FNTB: variants seen among roughly 807,000 people sequenced by gnomAD.
FNTB encodes protein farnesyltransferase subunit beta.
FNTB carries 27 observed loss-of-function variants against 59.4 expected under a neutral mutation model. The observed-to-expected ratio is 0.45, with a 90% confidence interval of 0.34 to 0.63. The LOEUF is 0.63. Among genes scored for constraint, FNTB ranks in the 20% least tolerant of loss-of-function variants. The pLI, the probability that FNTB is intolerant of heterozygous loss-of-function variation, is 0.02. For missense variants in FNTB, 449 were observed against 559.6 expected, an observed-to-expected ratio of 0.80 and a Z score of 1.99; for synonymous variants, 230 against 220.7, an observed-to-expected ratio of 1.04 and a Z score of -0.37.
chr14:64,998,519 G>A (rs1888487754), intron 1 of FNTB, among the ~76,000 whole-genome samples: 3 of 152,218 alleles, frequency 2.0e-5, no homozygotes, highest in Admixed American at 1.3e-4. Flanking sequence ...GATATTTTTT[G>A]TGTAAGGTTG....
At chr14:65,058,230 T>A (rs973646477) in intron 11 of FNTB, among the ~76,000 whole-genome samples, 11 of 151,964 alleles carry the variant, frequency 7.2e-5, no homozygotes, top group South Asian at 2.1e-4. Flanking sequence ...GTGTTTTTTT[T>A]ATAATTTTTT....
chr14:65,061,152 T>A, intron 11 of FNTB, 29 bp from the exon 12 acceptor site: 1 of 1,612,926 alleles, frequency 6.2e-7, no homozygotes, highest in East Asian at 2.2e-5. Flanking sequence ...ACCGGGGTGA[T>A]TAACTGGCAC....
In FNTB at chr14:64,994,226, C is replaced by G. The variant is rs1676604880; in HGVS notation, c.144+7129C>G. Among the ~76,000 whole-genome samples the G allele has an allele frequency of 6.6e-6, 1 of 152,308 alleles. No individual in the cohort carries two copies. Among genetic ancestry groups the G allele is most frequent in the South Asian group, 2.1e-4 (1 of 4,828 alleles). Reference sequence around the variant, plus strand: ...CTTTTAAACAGAGCTGTCCAGAATGCAGGCATTTGGTTAGCTCTTCATTTA... The same window carrying G: ...CTTTTAAACAGAGCTGTCCAGAATGGAGGCATTTGGTTAGCTCTTCATTTA... On this transcript the variant is annotated intron_variant, in intron 1 of 11. Transcript: ENST00000246166. This position sits in a 1 kb window ranked among gnomAD's most constrained non-coding sequence, Gnocchi z 4.2.
rs1281048364 is a variant in FNTB at position 65,001,948 on chromosome 14, CA to C, written c.145-2298del. The stretch of plus-strand genomic sequence containing the variant: ...CAAATTCATGTTCAAAAGCAAATAT[CA>C]AAGCGTATTCTAAAACCAGATGTAA... On this transcript the variant is annotated intron_variant, in intron 1 of 11. Transcript: ENST00000246166. This position sits in a 1 kb window ranked among gnomAD's most constrained non-coding sequence, Gnocchi z 5.5. Among the ~76,000 whole-genome samples, 1 of 152,186 alleles carries C rather than the reference CA, an allele frequency of 6.6e-6. No individual in the cohort carries two copies. The highest frequency in any genetic ancestry group is 1.5e-5 in the Non-Finnish European group (1 of 68,034).
In FNTB at chr14:65,016,203, C is replaced by G. The variant is rs530642079; in HGVS notation, c.374+487C>G. Among the ~76,000 whole-genome samples, 25 of 152,314 alleles carry G rather than the reference C, an allele frequency of 1.6e-4. No homozygotes were observed. The South Asian group carries it at 5.2e-3, about 32-fold the overall frequency. On this transcript the variant is annotated intron_variant, in intron 4 of 11. Transcript: ENST00000246166. The stretch of plus-strand genomic sequence containing the variant: ...CTGGATGTGTTACTGGTGTGGCATA[C>G]AAATGCCATGACTCTCAGTTTTCCT...
chr14:65,043,882 T>A (rs924802643), intron 8 of FNTB, among the ~76,000 whole-genome samples: 1 of 145,732 alleles, frequency 6.9e-6, no homozygotes, highest in East Asian at 2.0e-4. Context: ...CCAAATTCCA[T>A]TTATCTGCTT....
chr14:65,057,518 G>C lies in FNTB; in HGVS notation c.1182+2829G>C, dbSNP rs560008712. On this transcript the variant is annotated intron_variant, in intron 11 of 11. Coordinates refer to ENST00000246166, the MANE Select transcript of FNTB (RefSeq NM_002028.4). ...TTCAGGGGTTTGTTTTTGGGGGAGG[G>C]TAGGTGAGGATTAACTTAAGGAATC... Among the ~76,000 whole-genome samples, 6 of 152,268 alleles carry C rather than the reference G, an allele frequency of 3.9e-5. No homozygotes were observed. The South Asian group carries it at 1.2e-3, about 32-fold the overall frequency.
intron 4 of FNTB, among the ~76,000 whole-genome samples, chr14:65,019,302 C>T (rs1169560288): frequency 6.6e-6 from 1 of 152,168 alleles, no homozygotes; most frequent in Non-Finnish European, 1.5e-5. Flanking sequence ...GTCTGGCCAA[C>T]ATGGTGAAAC....
At chr14:65,005,568 CTCTT>C (rs2061574561) in intron 2 of FNTB, among the ~76,000 whole-genome samples, 2 of 149,984 alleles carry the variant, frequency 1.3e-5, no homozygotes, top group South Asian at 2.1e-4. Context: ...CTCTCCCTCT[CTCTT>C]TCTGTCTCTG....
intron 7 of FNTB, among the ~76,000 whole-genome samples, chr14:65,034,031 G>A (rs962589437): frequency 6.6e-6 from 1 of 152,108 alleles, no homozygotes; most frequent in Admixed American, 6.6e-5. Context: ...TTACTTTTTT[G>A]TATGAGTTTC....
intron 4 of FNTB, chr14:65,022,103 T>C: frequency 2.2e-6 from 1 of 455,854 alleles, no homozygotes; most frequent in Admixed American, 2.3e-5. Flanking sequence ...ACCTGTCCAT[T>C]GTCATATTCT....
chr14:64,988,683 C>T (rs1374846811), intron 1 of FNTB, among the ~76,000 whole-genome samples: 2 of 152,112 alleles, frequency 1.3e-5, no homozygotes, highest in South Asian at 2.1e-4. Context: ...CTGCCCTCCT[C>T]GGCCTCCTAG....
Position 65,009,000 on chromosome 14 carries a change from C to G in FNTB, c.210-3317C>G, listed in dbSNP as rs566414192. On this transcript the variant is annotated intron_variant, in intron 2 of 11. Coordinates refer to ENST00000246166, the MANE Select transcript of FNTB (RefSeq NM_002028.4). ...CAGCCTGCATCCCACCCTGCACCCC[C>G]TCAAGTCCTGCACGAAACCTGTCTT... 2.3e-3 allele frequency among the ~76,000 whole-genome samples: 345 copies of G among 152,312 alleles called. 1 individual carries two copies. The highest frequency in any genetic ancestry group is 7.9e-3 in the African/African-American group (330 of 41,560).
chr14:65,057,776 T>TA lies in FNTB; in HGVS notation c.1182+3089dup, dbSNP rs377112376. On this transcript the variant is annotated intron_variant, in intron 11 of 11. Transcript: ENST00000246166. ...TAATGTTATCTTTTTTCCATATGGA[T>TA]AACCAATTGACCAGCACCATTTACT... Among the ~76,000 whole-genome samples the TA allele has an allele frequency of 6.2e-3, 940 of 152,344 alleles. 11 individuals are homozygous for TA. Among genetic ancestry groups the TA allele is most frequent in the African/African-American group, 0.021 (889 of 41,580 alleles).
At chr14:65,056,114 A>G (rs1566580242) in intron 11 of FNTB, among the ~76,000 whole-genome samples, 1 of 152,210 alleles carries the variant, frequency 6.6e-6, no homozygotes, top group Non-Finnish European at 1.5e-5. Flanking sequence ...TTTTATAAGC[A>G]ATATAACAGT....
intron 1 of FNTB, among the ~76,000 whole-genome samples, chr14:65,000,052 T>G (rs1342810232): frequency 6.6e-6 from 1 of 152,194 alleles, no homozygotes; most frequent in Non-Finnish European, 1.5e-5. Context: ...GATTAAGGAG[T>G]TCCTGGCTGG....
chr14:65,000,789 C>T (rs530221996), intron 1 of FNTB, among the ~76,000 whole-genome samples: 1 of 127,302 alleles, frequency 7.9e-6, no homozygotes, highest in Non-Finnish European at 1.6e-5. Context: ...CACTGCCCTC[C>T]AGCCTGGCAG....
intron 4 of FNTB, among the ~76,000 whole-genome samples, chr14:65,025,588 G>A (rs1473558160): frequency 6.6e-6 from 1 of 152,154 alleles, no homozygotes; most frequent in African/African-American, 2.4e-5. Context: ...TCCGAGGTGG[G>A]AGGATTGCTT....
chr14:64,998,550 T>C (rs1398230071), intron 1 of FNTB, among the ~76,000 whole-genome samples: 1 of 152,206 alleles, frequency 6.6e-6, no homozygotes, highest in Non-Finnish European at 1.5e-5. Context: ...TGTGCAGGAT[T>C]GTGGTTTTTG....
Sources: allele counts gnomAD v4.1 joint callset (sites outside exome capture counted in the v4.1 genomes callset), GRCh38; gene constraint gnomAD v4.1.1; non-coding constraint Gnocchi (gnomAD v3.1); transcripts MANE v1.5; gene names NCBI Gene and HGNC (gene_info 2026-07-23, HGNC 2026-07-21).